Variants in TPST1 observed in about 807,000 individuals in gnomAD.
The protein encoded by TPST1 is protein-tyrosine sulfotransferase 1.
Under a neutral mutation model 34.8 loss-of-function variants are expected in TPST1, and 20 were observed. That is an observed-to-expected ratio of 0.57 (90% CI 0.40 to 0.84). The LOEUF (loss-of-function observed/expected upper bound fraction) is 0.84. Among genes scored for constraint, TPST1 ranks in the 40% least tolerant of loss-of-function variants. TPST1 has a pLI of 0.00. For missense variants in TPST1, 353 were observed against 455.5 expected, an observed-to-expected ratio of 0.78 and a Z score of 2.05; for synonymous variants, 152 against 159.4, an observed-to-expected ratio of 0.95 and a Z score of 0.35.
At chr7:66,319,913 T>C (rs1461881776) in intron 3 of TPST1, among the ~76,000 whole-genome samples, 1 of 152,168 alleles carries the variant, frequency 6.6e-6, no homozygotes. Context: ...CCCTGGAAGC[T>C]CCCCTCCTAC....
chr7:66,205,114 AGG>A (rs1236520914), upstream of TPST1: 1 of 152,170 alleles, frequency 6.6e-6, no homozygotes, highest in African/African-American at 2.4e-5. This position sits in a 1 kb window ranked among gnomAD's most constrained non-coding sequence, Gnocchi z 5.0. Flanking sequence ...GCGCACGGGA[AGG>A]GCTGTGGGGG....
intron 2 of TPST1, among the ~76,000 whole-genome samples, chr7:66,266,272 T>G (rs1321429035): frequency 1.3e-5 from 2 of 151,380 alleles, no homozygotes; most frequent in African/African-American, 4.9e-5. Flanking sequence ...ACCAGTCTAA[T>G]TCTACTAAAA....
intron 2 of TPST1, among the ~76,000 whole-genome samples, chr7:66,257,067 C>G (rs187939551): frequency 4.0e-4 from 61 of 152,294 alleles, no homozygotes; most frequent in African/African-American, 1.4e-3. Context: ...CTGCCCCAGC[C>G]TCCTGAGTAG....
intron 3 of TPST1, among the ~76,000 whole-genome samples, chr7:66,320,508 A>G (rs1791733442): frequency 6.6e-6 from 1 of 151,162 alleles, no homozygotes; most frequent in South Asian, 2.1e-4. Context: ...CGGCCTCCCA[A>G]AGTGCTGGGA....
chr7:66,210,733 G>C (rs1392567568), intron 1 of TPST1, among the ~76,000 whole-genome samples: 1 of 152,198 alleles, frequency 6.6e-6, no homozygotes, highest in Non-Finnish European at 1.5e-5. Context: ...GCAGATTGAG[G>C]TGGGAGGATT....
intron 5 of TPST1, chr7:66,359,351 G>A (rs889027879): frequency 7.1e-6 from 1 of 140,124 alleles, no homozygotes; most frequent in Non-Finnish European, 1.5e-5. Context: ...AGGAATCAGG[G>A]TGCTGCCCCC....
At chr7:66,347,256 C>T (rs144988179) in intron 3 of TPST1, among the ~76,000 whole-genome samples, 10 of 151,572 alleles carry the variant, frequency 6.6e-5, no homozygotes, top group Non-Finnish European at 1.0e-4. Context: ...TGAGTAGAGA[C>T]GGGGTTTCAC....
At chr7:66,309,788 A>G (rs1406011381) in intron 3 of TPST1, among the ~76,000 whole-genome samples, 1 of 152,186 alleles carries the variant, frequency 6.6e-6, no homozygotes, top group African/African-American at 2.4e-5. Flanking sequence ...TTGTGGGTGG[A>G]ATGACCACTT....
rs571848712 is a variant in TPST1, at chr7:66,311,138, T to G, written c.1044+24429T>G. On this transcript the variant is annotated intron_variant, in intron 3 of 5. Transcript: ENST00000304842. ...CCTATTGAAGTATTTTGTCTTTTTT[T>G]TGTGTGTGTGTGACAGGGTTTCACT... 1.2e-3 allele frequency among the ~76,000 whole-genome samples: 176 copies of G among 152,030 alleles called. 1 individual carries two copies. In the South Asian group the frequency reaches 0.013, roughly 11 times the overall value.
chr7:66,209,308 G>A (rs1789197222), intron 1 of TPST1, among the ~76,000 whole-genome samples: 1 of 152,168 alleles, frequency 6.6e-6, no homozygotes, highest in Non-Finnish European at 1.5e-5. Flanking sequence ...TTTTGGGAAA[G>A]AACTGGTAAT....
In TPST1 at chr7:66,240,385, T is replaced by G; in HGVS notation, c.-41T>G. 6.3e-7 allele frequency: 1 copy of G among 1,582,994 alleles called. No homozygotes were observed. Among genetic ancestry groups the G allele is most frequent in the Non-Finnish European group, 8.6e-7 (1 of 1,163,692 alleles). On this transcript the variant is annotated 5_prime_UTR_variant, in exon 2 of 6. Coordinates refer to ENST00000304842, the MANE Select transcript of TPST1 (RefSeq NM_003596.4). Reference sequence around the variant, plus strand: ...CCTGAACATTTTCCGAAAATCATTTTGAGCAAAATATCTGTTTAATAACAA... The same window carrying G: ...CCTGAACATTTTCCGAAAATCATTTGGAGCAAAATATCTGTTTAATAACAA...
chr7:66,250,653 G>A lies in TPST1; in HGVS notation c.845+9383G>A, dbSNP rs149395755. ...CCCGAAACCCCACTGATGGTACCGA[G>A]CCCTATATATACTATGTTTTTTCCT... On this transcript the variant is annotated intron_variant, in intron 2 of 5. Transcript: ENST00000304842. Among the ~76,000 whole-genome samples, 288 of 152,242 alleles carry A rather than the reference G, an allele frequency of 1.9e-3. 1 individual carries two copies. Among genetic ancestry groups the A allele is most frequent in the African/African-American group, 6.6e-3 (275 of 41,538 alleles).
chr7:66,355,826 ACTCAGGAGG>A (rs1792570588), intron 4 of TPST1, among the ~76,000 whole-genome samples: 2 of 150,434 alleles, frequency 1.3e-5, no homozygotes, highest in South Asian at 4.2e-4. Context: ...AATTGCTTGA[ACTCAGGAGG>A]CAGAGGTTGC....
In TPST1 at chr7:66,341,987, TAGAG is replaced by T. The variant is rs201957472; in HGVS notation, c.1045-10514_1045-10511del. On this transcript the variant is annotated intron_variant, in intron 3 of 5. Coordinates refer to ENST00000304842, the MANE Select transcript of TPST1 (RefSeq NM_003596.4). ...CAAAAAGAAAAAACAAGAGATGACT[TAGAG>T]AGAAAAGATAAGAAACTTAGAAGCA... Among the ~76,000 whole-genome samples the T allele has an allele frequency of 4.9e-4, 75 of 152,132 alleles. No homozygotes were observed. In the East Asian group the frequency reaches 9.7e-3, roughly 20 times the overall value.
chr7:66,329,132 C>G (rs1791946054), intron 3 of TPST1, among the ~76,000 whole-genome samples: 1 of 151,372 alleles, frequency 6.6e-6, no homozygotes, highest in African/African-American at 2.4e-5. Flanking sequence ...AGGCTGTTCT[C>G]GAGCTCCTGG....
chr7:66,239,616 C>T (rs1264612463), intron 1 of TPST1, among the ~76,000 whole-genome samples: 1 of 152,138 alleles, frequency 6.6e-6, no homozygotes, highest in African/African-American at 2.4e-5. Flanking sequence ...GAGATAATGA[C>T]TGCTTGGAGG....
chr7:66,208,765 AG>A (rs758881008), intron 1 of TPST1, among the ~76,000 whole-genome samples: 3 of 152,014 alleles, frequency 2.0e-5, no homozygotes, highest in Non-Finnish European at 4.4e-5. Flanking sequence ...CACTGTGCCC[AG>A]CCCATTTTTA....
At chr7:66,344,261 T>C (rs1792297514) in intron 3 of TPST1, 1 of 152,056 alleles carries the variant, frequency 6.6e-6, no homozygotes, top group Non-Finnish European at 1.5e-5. Context: ...AAGAATAGGA[T>C]ATCCAAAAAC....
At chr7:66,338,575 A>G (rs1251657406) in intron 3 of TPST1, among the ~76,000 whole-genome samples, 1 of 152,224 alleles carries the variant, frequency 6.6e-6, no homozygotes, top group Non-Finnish European at 1.5e-5. Context: ...ATCATACATT[A>G]GGTCACAAAA....
Sources: allele counts gnomAD v4.1 joint callset (sites outside exome capture counted in the v4.1 genomes callset), GRCh38; gene constraint gnomAD v4.1.1; non-coding constraint Gnocchi (gnomAD v3.1); transcripts MANE v1.5; gene names NCBI Gene and HGNC (gene_info 2026-07-23, HGNC 2026-07-21).